Variants in COLQ observed in about 807,000 individuals in gnomAD.
COLQ encodes acetylcholinesterase collagenic tail peptide.
A neutral mutation model predicts 69.0 loss-of-function variants in COLQ; 48 were observed. The observed-to-expected ratio is 0.70, with a 90% CI of 0.55 to 0.88. The LOEUF is 0.88. COLQ is among the 40% of genes least tolerant of loss of function. The pLI is 0.00. For synonymous variants in COLQ, 217 were observed against 211.2 expected (o/e 1.03, Z -0.24); for missense variants, 618 against 594.6 (o/e 1.04, Z -0.41).
chr3:15,519,604 G>A (rs763196798), intron 1 of COLQ, among the ~76,000 whole-genome samples: 13 of 151,998 alleles, frequency 8.6e-5, no homozygotes, highest in Non-Finnish European at 1.3e-4. Context: ...CCTTAACCCC[G>A]CCCACACCTC....
intron 1 of COLQ, among the ~76,000 whole-genome samples, chr3:15,497,499 C>A (rs1334839535): frequency 1.3e-5 from 2 of 152,150 alleles, no homozygotes; most frequent in African/African-American, 4.8e-5. Context: ...TTCCCTCCCA[C>A]CCCCTCAATC....
intron 1 of COLQ, among the ~76,000 whole-genome samples, chr3:15,504,684 C>A (rs888872928): frequency 2.0e-5 from 3 of 152,048 alleles, no homozygotes; most frequent in Non-Finnish European, 2.9e-5. Flanking sequence ...CATGGTGAAA[C>A]CCCTTCTCTA....
In COLQ at chr3:15,487,255, G is replaced by A. The variant is rs117568776; in HGVS notation, c.321+951C>T. 4.1e-4 allele frequency among the ~76,000 whole-genome samples: 63 copies of A among 152,300 alleles called. 2 individuals carry two copies. The East Asian group carries it at 9.3e-3, about 22-fold the overall frequency. ...AAGCTGAGTCCTGAGTGGCCAACAG[G>A]AGCTGGCCATGATACAAACCAGAAA... On this transcript the variant is annotated intron_variant, in intron 3 of 16. Coordinates refer to ENST00000383788, the MANE Select transcript of COLQ (RefSeq NM_005677.4).
chr3:15,463,146 C>T (rs533578642), intron 12 of COLQ, among the ~76,000 whole-genome samples: 3 of 152,222 alleles, frequency 2.0e-5, no homozygotes, highest in Non-Finnish European at 4.4e-5. Context: ...CCTTCTCATC[C>T]ATCCCCTAGC....
At chr3:15,456,125 T>C (rs2062021332) in intron 14 of COLQ, 106 bp from the exon 15 acceptor site, 1 of 1,328,282 alleles carries the variant, frequency 7.5e-7, no homozygotes, top group African/African-American at 1.4e-5. Context: ...GGGGCATGCC[T>C]TGACTTCCTC....
At chr3:15,511,656 C>T (rs913325990) in intron 1 of COLQ, among the ~76,000 whole-genome samples, 1 of 152,284 alleles carries the variant, frequency 6.6e-6, no homozygotes, top group Non-Finnish European at 1.5e-5. Context: ...ACGCAGCTCT[C>T]GAGAAGATCG....
chr3:15,509,436 C>A (rs574341831), intron 1 of COLQ, among the ~76,000 whole-genome samples: 47 of 152,328 alleles, frequency 3.1e-4, no homozygotes, highest in African/African-American at 1.1e-3. Flanking sequence ...CCTAAGATCA[C>A]CCCTGTCTTA....
chr3:15,510,484 G>A (rs73031579), intron 1 of COLQ, among the ~76,000 whole-genome samples: 14,599 of 132,938 alleles, frequency 0.11, 951 homozygotes, highest in East Asian at 0.36. Flanking sequence ...CAAGGCAGGT[G>A]GATCGCTGAC....
chr3:15,480,840 C>T (rs2062470976), intron 3 of COLQ, among the ~76,000 whole-genome samples: 1 of 152,218 alleles, frequency 6.6e-6, no homozygotes, highest in African/African-American at 2.4e-5. Context: ...CTCTCCAGCA[C>T]CTGTTGTTTC....
intron 15 of COLQ, among the ~76,000 whole-genome samples, chr3:15,455,626 C>T (rs954356880): frequency 2.6e-5 from 4 of 152,174 alleles, no homozygotes; most frequent in Non-Finnish European, 5.9e-5. Flanking sequence ...ACTGGGAGGA[C>T]CTGGTGGCTA....
intron 1 of COLQ, chr3:15,498,684 T>C: frequency 6.5e-7 from 1 of 1,549,086 alleles, no homozygotes; most frequent in Non-Finnish European, 8.7e-7. Flanking sequence ...CCTGGCCTGT[T>C]TGGCATTAGG....
chr3:15,455,777 G>T (rs1055797262), intron 15 of COLQ, 122 bp downstream of exon 15: 6 of 1,347,212 alleles, frequency 4.5e-6, no homozygotes, highest in Non-Finnish European at 5.2e-6. Flanking sequence ...AGGTGGCCTG[G>T]GTATACCCTT....
chr3:15,453,817 AG>A lies in COLQ; in HGVS notation c.1298+11del. The A allele has an allele frequency of 2.6e-6, 4 of 1,557,508 alleles. No homozygotes were observed. The African/African-American group carries it at 4.1e-5, about 16-fold the overall frequency. ...AAGAAGGGGGAGAGGGAGGGAGGGG[AG>A]TCATCCCTACCCAGGGAGATAGGTC... On this transcript the variant is annotated intron_variant, in intron 16 of 16. Coordinates refer to ENST00000383788, the MANE Select transcript of COLQ (RefSeq NM_005677.4).
chr3:15,455,937 C>G lies in COLQ; in HGVS notation c.1157G>C (p.Cys386Ser), dbSNP rs368575417. The G allele has an allele frequency of 5.6e-6, 9 of 1,614,072 alleles. No individual in the cohort carries two copies. Among genetic ancestry groups the G allele is most frequent in the Non-Finnish European group, 6.8e-6 (8 of 1,180,034 alleles). Residue 386 changes from cysteine to serine, a missense_variant, in exon 15 of 17, where the codon TGT (cysteine) becomes TCT (serine). Cys to Ser is a moderately radical substitution (Grantham distance 112). Coordinates refer to ENST00000383788, the MANE Select transcript of COLQ (RefSeq NM_005677.4). ...ACCCACATCGCTGTTACCGTCGTCACACTCCTCCCCAGGCTGCAGGAGCCC... is the reference window on the plus strand; with the variant it reads ...ACCCACATCGCTGTTACCGTCGTCAGACTCCTCCCCAGGCTGCAGGAGCCC... ...GDGLLQPGEECDDGNSDVGDD... is the reference protein window; with the variant it reads ...GDGLLQPGEESDDGNSDVGDD...
intron 13 of COLQ, among the ~76,000 whole-genome samples, chr3:15,457,969 A>G (rs2062048725): frequency 6.6e-6 from 1 of 152,232 alleles, no homozygotes; most frequent in African/African-American, 2.4e-5. Context: ...TTAGATTTTA[A>G]TAAGACAAAG....
chr3:15,478,980 C>T lies in COLQ; in HGVS notation c.390G>A (p.Arg130=). The change falls in exon 5 of 17, where the codon AGG becomes AGA. Residue 130 remains arginine (R), a synonymous_variant. Coordinates refer to ENST00000383788, the MANE Select transcript of COLQ (RefSeq NM_005677.4). ...CACAGAACAGCGCAGACCATACCTTCCTTCCTGGTCGGCCAAGCTCCCCCT... is the reference window on the plus strand; with the variant it reads ...CACAGAACAGCGCAGACCATACCTTTCTTCCTGGTCGGCCAAGCTCCCCCT... ...GEKGELGRPG[R]KGRPGPPGVP... 1.2e-6 allele frequency: 2 copies of T among 1,614,194 alleles called. No individual in the cohort carries two copies. Among genetic ancestry groups the T allele is most frequent in the South Asian group, 1.1e-5 (1 of 91,086 alleles).
At chr3:15,458,588 C>T (rs1262496883) in intron 12 of COLQ, among the ~76,000 whole-genome samples, 2 of 152,166 alleles carry the variant, frequency 1.3e-5, no homozygotes, top group Non-Finnish European at 2.9e-5. Flanking sequence ...AGCCGTGTTG[C>T]AACCAGGAAG....
intron 1 of COLQ, among the ~76,000 whole-genome samples, chr3:15,506,364 C>A (rs993606173): frequency 6.6e-6 from 1 of 152,118 alleles, no homozygotes; most frequent in Non-Finnish European, 1.5e-5. Flanking sequence ...GTATTACATG[C>A]ATGTGATTCA....
At position 15,474,236 on chromosome 3, in the gene COLQ, C is replaced by T; in HGVS notation, c.592G>A (p.Gly198Arg). 1.2e-6 allele frequency: 2 copies of T among 1,614,074 alleles called. No homozygotes were observed. Among genetic ancestry groups the T allele is most frequent in the Non-Finnish European group, 1.7e-6 (2 of 1,179,942 alleles). Residue 198 changes from glycine to arginine, a missense_variant, in exon 9 of 17, where the codon GGA becomes AGA. Coordinates refer to ENST00000383788, the MANE Select transcript of COLQ (RefSeq NM_005677.4). The part of the protein sequence containing the change: ...RGEKGDLGPK[G>R]EKGFPGFPGM... ...AAGGTTTTCTCCATTACCTTTTCTC[C>T]TTTGGGACCCAGGTCACCCTTTTCA...
Sources: gnomAD v4.1 joint callset for allele counts (sites outside exome capture counted in the v4.1 genomes callset) on GRCh38, gnomAD v4.1.1 for gene constraint, MANE v1.5 for transcripts, NCBI Gene and HGNC (gene_info 2026-07-23, HGNC 2026-07-21) for gene names.